Variants in UGT3A2 observed in about 807,000 individuals in gnomAD.
UGT3A2 encodes UDP-glycosyltransferase 3A2.
Under a neutral mutation model 39.8 loss-of-function variants are expected in UGT3A2, and 32 were observed. That is an observed-to-expected ratio of 0.80 (90% CI 0.61 to 1.08). The LOEUF (loss-of-function observed/expected upper bound fraction) is 1.08. Ranked by LOEUF, UGT3A2 falls within the 50% of genes least tolerant of loss-of-function variation. The probability of loss-of-function intolerance (pLI) is 0.00; values close to 1 mark genes in which losing one functional copy is unlikely to be tolerated. For missense variants in UGT3A2, 611 were observed against 637.1 expected (o/e 0.96, Z 0.44); for synonymous variants, 241 against 230.7 (o/e 1.04, Z -0.40).
intron 6 of UGT3A2, 63 bp from the exon 7 acceptor site, chr5:36,036,037 T>A: frequency 6.3e-7 from 1 of 1,575,124 alleles, no homozygotes; most frequent in Non-Finnish European, 8.7e-7. Context: ...GAATGTATGA[T>A]CCGTTCTATA....
intron 3 of UGT3A2, among the ~76,000 whole-genome samples, chr5:36,051,620 T>C (rs1317831136): frequency 1.3e-5 from 2 of 152,166 alleles, no homozygotes; most frequent in African/African-American, 4.8e-5. Context: ...ATGCTCATAG[T>C]GTGTAAGAAA....
intron 2 of UGT3A2, among the ~76,000 whole-genome samples, chr5:36,062,840 G>A (rs1052040024): frequency 5.3e-5 from 8 of 152,170 alleles, no homozygotes; most frequent in Non-Finnish European, 1.0e-4. Context: ...AGGAGTTCGA[G>A]ACTAGCCTGG....
At chr5:36,043,983 GA>G (rs1172651715) in intron 4 of UGT3A2, among the ~76,000 whole-genome samples, 4 of 151,492 alleles carry the variant, frequency 2.6e-5, no homozygotes, top group African/African-American at 9.7e-5. Context: ...GAAGAGAGGG[GA>G]ATAAAAGGCC....
intron 2 of UGT3A2, among the ~76,000 whole-genome samples, chr5:36,057,551 T>C (rs1378037999): frequency 1.3e-5 from 2 of 151,558 alleles, no homozygotes; most frequent in Admixed American, 6.6e-5. Flanking sequence ...TTTTTTTTTT[T>C]CTCAGACTGG....
intron 5 of UGT3A2, among the ~76,000 whole-genome samples, 154 bp downstream of exon 5, chr5:36,039,322 TC>T (rs754575492): frequency 2.0e-5 from 3 of 152,188 alleles, no homozygotes; most frequent in Non-Finnish European, 2.9e-5. Flanking sequence ...TAGCCTGGTT[TC>T]CCAAGAACTC....
chr5:36,044,182 A>G (rs928522572), intron 4 of UGT3A2, among the ~76,000 whole-genome samples: 2 of 152,170 alleles, frequency 1.3e-5, no homozygotes, highest in Non-Finnish European at 2.9e-5. Context: ...GGATCGTTCA[A>G]CATATGCAAA....
intron 1 of UGT3A2, among the ~76,000 whole-genome samples, chr5:36,064,849 A>G (rs1172471164): frequency 6.6e-6 from 1 of 152,216 alleles, no homozygotes; most frequent in African/African-American, 2.4e-5. Context: ...TTGGTCCAAG[A>G]AATCATCACT....
chr5:36,039,562 C>G lies in UGT3A2; in HGVS notation c.990G>C (p.Lys330Asn), dbSNP rs753310477. ...FAHLPQGVIW[K>N]CQCSHWPKDV... ...CTTTGGGCCAATGAGAACACTGACA[C>G]TTCCATATCACCCCTTGGGGTAGGT... The change falls in exon 5 of 7, where the codon AAG (lysine) becomes AAC (asparagine). Residue 330 changes from lysine (K) to asparagine (N), a missense_variant. Coordinates refer to ENST00000282507, the MANE Select transcript of UGT3A2 (RefSeq NM_174914.4). The G allele has an allele frequency of 3.7e-6, 6 of 1,614,096 alleles. No individual in the cohort carries two copies. Among genetic ancestry groups the G allele is most frequent in the East Asian group, 2.2e-5 (1 of 44,884 alleles).
intron 2 of UGT3A2, among the ~76,000 whole-genome samples, chr5:36,063,805 T>G (rs1742792709): frequency 6.6e-6 from 1 of 152,056 alleles, no homozygotes; most frequent in Admixed American, 6.6e-5. Flanking sequence ...CAAGCTAATT[T>G]TTGTATTTTT....
At chr5:36,056,924 G>C (rs928127969) in intron 2 of UGT3A2, among the ~76,000 whole-genome samples, 7 of 152,186 alleles carry the variant, frequency 4.6e-5, no homozygotes, top group Admixed American at 3.3e-4. Context: ...AGACAATACA[G>C]ATTTTCTCTA....
chr5:36,063,923 A>G lies in UGT3A2; in HGVS notation c.196+326T>C, dbSNP rs1042770619. ...AGTGCTGGGATTACAGGTGTGAGCC[A>G]CCTTGCCCCACCATGTTTAATATAT... On this transcript the variant is annotated intron_variant, in intron 2 of 6. Coordinates refer to ENST00000282507, the MANE Select transcript of UGT3A2 (RefSeq NM_174914.4). Among the ~76,000 whole-genome samples, 2 of 152,184 alleles carry G rather than the reference A, an allele frequency of 1.3e-5. 1 individual carries two copies. Among genetic ancestry groups the G allele is most frequent in the East Asian group, 3.9e-4 (2 of 5,194 alleles).
At chr5:36,056,396 A>G (rs1021485520) in intron 2 of UGT3A2, among the ~76,000 whole-genome samples, 2 of 152,248 alleles carry the variant, frequency 1.3e-5, no homozygotes, top group African/African-American at 4.8e-5. Flanking sequence ...GGGCATGTAC[A>G]GTTGAGACTC....
Position 36,037,794 on chromosome 5 carries a change from T to TA in UGT3A2, c.1295+2dup. The stretch of plus-strand genomic sequence containing the variant: ...ATGACCACAACCCCAAGGAGCTGCA[T>TA]ACCTCTTGTCTTCCATGATTTGTTT... On this transcript the variant is annotated splice_region_variant and intron_variant, in intron 6 of 6. Transcript: ENST00000282507. 3 of 1,614,220 alleles carry TA rather than the reference T, an allele frequency of 1.9e-6. No homozygotes were observed. Among genetic ancestry groups the TA allele is most frequent in the Non-Finnish European group, 2.5e-6 (3 of 1,180,022 alleles).
In UGT3A2 at chr5:36,038,579, C is replaced by G. The variant is rs1337453899; in HGVS notation, c.1076-563G>C. On this transcript the variant is annotated intron_variant, in intron 5 of 6. Transcript: ENST00000282507. ...ATCCTTCGCCTCTGTATTTCCAGTT[C>G]CTGTCTTTCCATGCCAGCGTTACTT... Among the ~76,000 whole-genome samples, 3 of 152,174 alleles carry G rather than the reference C, an allele frequency of 2.0e-5. No individual in the cohort carries two copies. In the East Asian group the frequency reaches 5.8e-4, roughly 29 times the overall value.
chr5:36,045,038 C>G (rs1363751408), intron 4 of UGT3A2, among the ~76,000 whole-genome samples: 1 of 151,928 alleles, frequency 6.6e-6, no homozygotes, highest in Non-Finnish European at 1.5e-5. Flanking sequence ...CCATCCCAAG[C>G]AAAAAGAACA....
chr5:36,052,057 T>C, intron 2 of UGT3A2, 73 bp from the exon 3 acceptor site: 1 of 893,582 alleles, frequency 1.1e-6, no homozygotes, highest in Non-Finnish European at 1.7e-6. Flanking sequence ...CATAACAATA[T>C]CAAAACTTAT....
chr5:36,065,497 TC>T (rs895721223), intron 1 of UGT3A2, among the ~76,000 whole-genome samples: 2 of 152,122 alleles, frequency 1.3e-5, no homozygotes, highest in Non-Finnish European at 2.9e-5. Flanking sequence ...AGAAATGACA[TC>T]AACTCCTTCT....
intron 3 of UGT3A2, among the ~76,000 whole-genome samples, chr5:36,051,091 A>G (rs1357367698): frequency 6.6e-6 from 1 of 152,196 alleles, no homozygotes; most frequent in African/African-American, 2.4e-5. Flanking sequence ...GATCAGACGT[A>G]TAGAGGAGAG....
At chr5:36,039,368 A>C in intron 5 of UGT3A2, 109 bp downstream of exon 5, 1 of 1,103,226 alleles carries the variant, frequency 9.1e-7, no homozygotes, top group Non-Finnish European at 1.4e-6. Flanking sequence ...ACTGAGCCTT[A>C]CCTGTACCAT....
Sources: gnomAD v4.1 joint callset for allele counts (sites outside exome capture counted in the v4.1 genomes callset) on GRCh38, gnomAD v4.1.1 for gene constraint, MANE v1.5 for transcripts, NCBI Gene and HGNC (gene_info 2026-07-23, HGNC 2026-07-21) for gene names.